Variants in PIEZO2 observed in about 807,000 individuals in gnomAD.
PIEZO2 encodes the protein piezo type mechanosensitive ion channel component 2, also known as piezo-type mechanosensitive ion channel component 2.
PIEZO2 carries 172 observed loss-of-function variants against 337.3 expected under a neutral mutation model. The observed-to-expected ratio is 0.51, with a 90% CI of 0.45 to 0.58. The LOEUF is 0.58. Ranked by LOEUF, PIEZO2 falls within the 20% of genes least tolerant of loss-of-function variation. The probability of loss-of-function intolerance (pLI) is 0.00; values close to 1 mark genes in which losing one functional copy is unlikely to be tolerated. For missense variants in PIEZO2, 3,028 were observed against 3,391.3 expected, an observed-to-expected ratio of 0.89 and a Z score of 2.66; for synonymous variants, 1,251 against 1,228.5, an observed-to-expected ratio of 1.02 and a Z score of -0.38.
At chr18:11,007,597 A>G (rs1598818003) in intron 2 of PIEZO2, among the ~76,000 whole-genome samples, 1 of 152,312 alleles carries the variant, frequency 6.6e-6, no homozygotes, top group Admixed American at 6.5e-5. Flanking sequence ...CTTAAGATGG[A>G]GAGAAAATTT....
chr18:10,674,407 ATACT>A (rs1446112088), intron 54 of PIEZO2, among the ~76,000 whole-genome samples: 4 of 152,250 alleles, frequency 2.6e-5, no homozygotes, highest in Non-Finnish European at 5.9e-5. Context: ...CTTGTAAGAG[ATACT>A]TATTTACTGC....
chr18:11,101,991 G>T lies in PIEZO2; in HGVS notation c.65-35769C>A, dbSNP rs1038012535. Among the ~76,000 whole-genome samples, 5 of 152,126 alleles carry T rather than the reference G, an allele frequency of 3.3e-5. No homozygotes were observed. The highest frequency in any genetic ancestry group is 6.6e-5 in the Admixed American group (1 of 15,266). ...TTCTGATGGACCAAAAAACATAAAA[G>T]GTGATTGTGTGCCTGGGGATCCTGG... is the stretch of plus-strand genomic sequence containing the variant. On this transcript the variant is annotated intron_variant, in intron 1 of 55. Coordinates refer to ENST00000674853, the MANE Select transcript of PIEZO2 (RefSeq NM_001378183.1). The surrounding 1 kb of genome is among the most constrained non-coding windows in gnomAD (Gnocchi z 4.4).
intron 3 of PIEZO2, among the ~76,000 whole-genome samples, chr18:10,926,859 A>G (rs1316529959): frequency 1.3e-5 from 2 of 152,218 alleles, no homozygotes; most frequent in African/African-American, 4.8e-5. Flanking sequence ...AGGAAACACA[A>G]TTAAACTGAA....
intron 2 of PIEZO2, among the ~76,000 whole-genome samples, chr18:11,044,281 A>C (rs1703572864): frequency 6.6e-6 from 1 of 151,820 alleles, no homozygotes; most frequent in African/African-American, 2.4e-5. Flanking sequence ...AAAATGTGGA[A>C]ACAAATATTA....
At chr18:10,684,284 G>C (rs1211500387) in intron 49 of PIEZO2, among the ~76,000 whole-genome samples, 1 of 139,622 alleles carries the variant, frequency 7.2e-6, no homozygotes, top group Non-Finnish European at 1.5e-5. Flanking sequence ...TCCTGCCTCA[G>C]CCTCCCAAGT....
intron 1 of PIEZO2, among the ~76,000 whole-genome samples, chr18:11,084,512 G>T (rs12457650): frequency 6.6e-6 from 1 of 152,084 alleles, no homozygotes; most frequent in African/African-American, 2.4e-5. Flanking sequence ...TCCAGCCCTC[G>T]CCATGGAGGC....
intron 1 of PIEZO2, among the ~76,000 whole-genome samples, chr18:11,107,024 C>A (rs375382385): frequency 6.6e-6 from 1 of 152,174 alleles, no homozygotes; most frequent in African/African-American, 2.4e-5. Context: ...TGACAAAAAA[C>A]GTCATTGGTT....
At chr18:10,774,687 T>A (rs2038725653) in intron 18 of PIEZO2, among the ~76,000 whole-genome samples, 1 of 152,014 alleles carries the variant, frequency 6.6e-6, no homozygotes, top group South Asian at 2.1e-4. Flanking sequence ...CAGTTTTTTT[T>A]AAAAGCATAT....
intron 2 of PIEZO2, among the ~76,000 whole-genome samples, chr18:11,056,106 GC>G (rs2037725066): frequency 6.6e-6 from 1 of 152,206 alleles, no homozygotes; most frequent in South Asian, 2.1e-4. Context: ...TCATGCTCTT[GC>G]AGTGGGGGCC....
chr18:10,729,821 A>C (rs1460831776), intron 36 of PIEZO2, among the ~76,000 whole-genome samples: 4 of 152,034 alleles, frequency 2.6e-5, no homozygotes, highest in African/African-American at 9.7e-5. Flanking sequence ...TACTACTCTG[A>C]CTTCATTTGT....
chr18:10,783,095 GA>G lies in PIEZO2; in HGVS notation c.2492+1688del, dbSNP rs370627039. On this transcript the variant is annotated intron_variant, in intron 17 of 55. Coordinates refer to ENST00000674853, the MANE Select transcript of PIEZO2 (RefSeq NM_001378183.1). The surrounding 1 kb of genome is among the most constrained non-coding windows in gnomAD (Gnocchi z 4.3). ...TGCATGCTGGAGGCACTTTTAGTGA[GA>G]AAAAAAAATGAATATGCAAGAGAAG... Among the ~76,000 whole-genome samples the G allele has an allele frequency of 9.4e-4, 139 of 148,588 alleles. No individual in the cohort carries two copies. Among genetic ancestry groups the G allele is most frequent in the African/African-American group, 2.8e-3 (115 of 40,518 alleles).
chr18:10,777,450 A>G (rs1452128828), intron 18 of PIEZO2, among the ~76,000 whole-genome samples: 1 of 152,224 alleles, frequency 6.6e-6, no homozygotes, highest in African/African-American at 2.4e-5. Flanking sequence ...ACCCTTACAA[A>G]ATGTAGTACT....
At chr18:10,991,047 C>T (rs528674315) in intron 2 of PIEZO2, among the ~76,000 whole-genome samples, 26 of 151,174 alleles carry the variant, frequency 1.7e-4, no homozygotes, top group Admixed American at 1.5e-3. Flanking sequence ...TCTTATTTTC[C>T]GAGGAGATTG....
At position 10,759,755 on chromosome 18, in the gene PIEZO2, A is replaced by G. The variant is rs764018057; in HGVS notation, c.3605T>C (p.Ile1202Thr). Residue 1202 changes from isoleucine to threonine, a missense_variant, in exon 25 of 56, where the codon ATC (isoleucine) becomes ACC (threonine). Ile to Thr is a moderately conservative substitution (Grantham distance 89). Around this residue, in one of 5 missense-constraint regions of PIEZO2, gnomAD observed 1,925 missense variants for 2,051.9 expected, o/e 0.94. Coordinates refer to ENST00000674853, the MANE Select transcript of PIEZO2 (RefSeq NM_001378183.1). The surrounding 1 kb of genome is among the most constrained non-coding windows in gnomAD (Gnocchi z 5.5). ...PKYCCFLACI[I>T]TFQYFICIGI... is the part of the protein sequence containing the mutation. Reference sequence around the variant, plus strand: ...AATGCAGATGAAATACTGGAAGGTGATGATGCATGCCAGGAAGCAGCAGTA... The same window carrying G: ...AATGCAGATGAAATACTGGAAGGTGGTGATGCATGCCAGGAAGCAGCAGTA... 24 of 1,537,216 alleles carry G rather than the reference A, an allele frequency of 1.6e-5. No homozygotes were observed. The highest frequency in any genetic ancestry group is 1.7e-6 in the Non-Finnish European group (2 of 1,146,934).
chr18:11,127,646 C>T lies in PIEZO2; in HGVS notation c.64+20879G>A, dbSNP rs2040218504. ...GCTTGCAGAAAGCCTATTGTGGGACCTTGTGATCATGTAAGTTAATACTTA... is the reference window on the plus strand; with the variant it reads ...GCTTGCAGAAAGCCTATTGTGGGACTTTGTGATCATGTAAGTTAATACTTA... On this transcript the variant is annotated intron_variant, in intron 1 of 55. Coordinates refer to ENST00000674853, the MANE Select transcript of PIEZO2 (RefSeq NM_001378183.1). The surrounding 1 kb of genome is among the most constrained non-coding windows in gnomAD (Gnocchi z 4.5). 6.6e-6 allele frequency among the ~76,000 whole-genome samples: 1 copy of T among 151,574 alleles called. No homozygotes were observed. The highest frequency in any genetic ancestry group is 2.4e-5 in the African/African-American group (1 of 41,160).
At chr18:10,757,388 T>G (rs1598438515) in intron 27 of PIEZO2, among the ~76,000 whole-genome samples, 1 of 131,442 alleles carries the variant, frequency 7.6e-6, no homozygotes, top group Non-Finnish European at 1.6e-5. Flanking sequence ...GAATGAGAGA[T>G]GGGGGATGAG....
rs1183805563 is a variant in PIEZO2, at chr18:11,024,553, A to G, written c.160+41574T>C. ...AGAGCGAGACTCTGTCTCAGAAAAA[A>G]AAAAAAAAAAGAAAAAAGAAAGTAA... On this transcript the variant is annotated intron_variant, in intron 2 of 55. Transcript: ENST00000674853. Among the ~76,000 whole-genome samples the G allele has an allele frequency of 2.6e-3, 387 of 150,638 alleles. 1 individual carries two copies. The highest frequency in any genetic ancestry group is 9.1e-3 in the African/African-American group (376 of 41,296).
At chr18:10,989,755 T>G (rs2035018802) in intron 2 of PIEZO2, among the ~76,000 whole-genome samples, 1 of 152,154 alleles carries the variant, frequency 6.6e-6, no homozygotes, top group African/African-American at 2.4e-5. Flanking sequence ...CTAAAGCTAT[T>G]GTAGATAAAT....
intron 37 of PIEZO2, among the ~76,000 whole-genome samples, chr18:10,717,495 A>T (rs564044189): frequency 1.1e-4 from 16 of 152,230 alleles, no homozygotes; most frequent in Non-Finnish European, 2.1e-4. Context: ...GCAGACGAAG[A>T]GATAACCGCA....
Sources: gnomAD v4.1 joint callset for allele counts (sites outside exome capture counted in the v4.1 genomes callset) on GRCh38, gnomAD v4.1.1 for gene constraint, gnomAD v4.1.1 regional missense constraint, Gnocchi (gnomAD v3.1) non-coding constraint, MANE v1.5 for transcripts, NCBI Gene and HGNC (gene_info 2026-07-23, HGNC 2026-07-21) for gene names.